MAP2K5: variants seen among roughly 807,000 people sequenced by gnomAD.
The protein encoded by MAP2K5 is dual specificity mitogen-activated protein kinase kinase 5.
A neutral mutation model predicts 83.1 loss-of-function variants in MAP2K5; 49 were observed. The ratio of observed to expected loss-of-function variants is 0.59; its 90% CI spans 0.47 to 0.75. The LOEUF (loss-of-function observed/expected upper bound fraction) is 0.75. MAP2K5 is among the 30% of genes least tolerant of loss of function. The probability of loss-of-function intolerance (pLI) is 0.00; values close to 1 mark genes in which losing one functional copy is unlikely to be tolerated. For synonymous variants in MAP2K5, 202 were observed against 191.8 expected (o/e 1.05, Z -0.44); for missense variants, 457 against 557.5 (o/e 0.82, Z 1.82).
At chr15:67,799,722 G>C (rs964599297) in intron 21 of MAP2K5, among the ~76,000 whole-genome samples, 11 of 152,250 alleles carry the variant, frequency 7.2e-5, no homozygotes, top group African/African-American at 2.4e-4. Flanking sequence ...GATCTGCCCA[G>C]TGGGCCCACC....
intron 11 of MAP2K5, among the ~76,000 whole-genome samples, chr15:67,653,877 T>G (rs1676879980): frequency 6.6e-6 from 1 of 152,156 alleles, no homozygotes; most frequent in South Asian, 2.1e-4. Flanking sequence ...TGTGTTTTTA[T>G]TTTCATTAAT....
chr15:67,695,698 T>C (rs2088235105), intron 15 of MAP2K5, among the ~76,000 whole-genome samples: 1 of 152,242 alleles, frequency 6.6e-6, no homozygotes. Context: ...AATTGCATTA[T>C]ATTTGAATGT....
chr15:67,768,323 T>C lies in MAP2K5; in HGVS notation c.1135-1279T>C, dbSNP rs1255353871. Among the ~76,000 whole-genome samples, 1 of 152,226 alleles carries C rather than the reference T, an allele frequency of 6.6e-6. No homozygotes were observed. Among genetic ancestry groups the C allele is most frequent in the Non-Finnish European group, 1.5e-5 (1 of 68,042 alleles). Reference sequence around the variant, plus strand: ...CCACCATTGATAATGACACGCATATTGCAGAGGTGCTTTTATCATCTTCTT... The same window carrying C: ...CCACCATTGATAATGACACGCATATCGCAGAGGTGCTTTTATCATCTTCTT... On this transcript the variant is annotated intron_variant, in intron 19 of 21. Coordinates refer to ENST00000178640, the MANE Select transcript of MAP2K5 (RefSeq NM_145160.3). The surrounding 1 kb of genome is among the most constrained non-coding windows in gnomAD (Gnocchi z 4.0).
At chr15:67,647,455 T>G (rs1358816401) in intron 11 of MAP2K5, among the ~76,000 whole-genome samples, 1 of 152,210 alleles carries the variant, frequency 6.6e-6, no homozygotes, top group Non-Finnish European at 1.5e-5. Context: ...TACTCAAACA[T>G]TTTTGTTGAA....
rs1006685836 is a variant in MAP2K5, at chr15:67,668,377, A to T, written c.847+3732A>T. Among the ~76,000 whole-genome samples the T allele has an allele frequency of 1.5e-4, 23 of 152,194 alleles. No individual in the cohort carries two copies. The highest frequency in any genetic ancestry group is 5.3e-4 in the African/African-American group (22 of 41,452). On this transcript the variant is annotated intron_variant, in intron 13 of 21. Transcript: ENST00000178640. The surrounding 1 kb of genome is among the most constrained non-coding windows in gnomAD (Gnocchi z 4.0). ...GACATAATCATTAAAAATGTTTGAAATGCCCACCAAATTAACTACTGTGGA... is the reference window on the plus strand; with the variant it reads ...GACATAATCATTAAAAATGTTTGAATTGCCCACCAAATTAACTACTGTGGA...
In MAP2K5 at chr15:67,665,578, GTTTTC is replaced by G. The variant is rs1219960483; in HGVS notation, c.847+938_847+942del. Among the ~76,000 whole-genome samples, 2 of 152,128 alleles carry G rather than the reference GTTTTC, an allele frequency of 1.3e-5. No individual in the cohort carries two copies. The highest frequency in any genetic ancestry group is 6.5e-5 in the Admixed American group (1 of 15,272). ...GATGTCATATCTGTCACTAAGGGTT[GTTTTC>G]TTTTGTGGTGGTTTTAATATCCTAG... On this transcript the variant is annotated intron_variant, in intron 13 of 21. Coordinates refer to ENST00000178640, the MANE Select transcript of MAP2K5 (RefSeq NM_145160.3). This position sits in a 1 kb window ranked among gnomAD's most constrained non-coding sequence, Gnocchi z 4.2.
At chr15:67,574,884 A>G (rs750565385) in intron 3 of MAP2K5, among the ~76,000 whole-genome samples, 10 of 152,210 alleles carry the variant, frequency 6.6e-5, no homozygotes, top group Non-Finnish European at 1.2e-4. Context: ...AATAATAAAA[A>G]TAAAACAAAA....
At chr15:67,628,058 A>G in intron 8 of MAP2K5, 1 of 733,376 alleles carries the variant, frequency 1.4e-6, no homozygotes, top group Non-Finnish European at 2.4e-6. Flanking sequence ...CAGTGGATGC[A>G]GCCATGAATG....
In MAP2K5 at chr15:67,802,199, G is replaced by A. The variant is rs1224595905; in HGVS notation, c.1243-4447G>A. 2.0e-5 allele frequency among the ~76,000 whole-genome samples: 3 copies of A among 152,256 alleles called. No individual in the cohort carries two copies. Among genetic ancestry groups the A allele is most frequent in the Admixed American group, 2.0e-4 (3 of 15,290 alleles). ...AGGAATTAGGGACGTTAGTACAGAGGCAAAGAGTCAAACTAGTGACACACT... is the reference window on the plus strand; with the variant it reads ...AGGAATTAGGGACGTTAGTACAGAGACAAAGAGTCAAACTAGTGACACACT... On this transcript the variant is annotated intron_variant, in intron 21 of 21. Transcript: ENST00000178640. The surrounding 1 kb of genome is among the most constrained non-coding windows in gnomAD (Gnocchi z 5.0).
Position 67,668,821 on chromosome 15 carries a change from GA to G in MAP2K5, c.847+4186del, listed in dbSNP as rs150766327. 0.036 allele frequency among the ~76,000 whole-genome samples: 5,321 copies of G among 148,146 alleles called. 179 individuals are homozygous for G. Among genetic ancestry groups the G allele is most frequent in the African/African-American group, 0.086 (3,474 of 40,592 alleles). On this transcript the variant is annotated intron_variant, in intron 13 of 21. Transcript: ENST00000178640. The surrounding 1 kb of genome is among the most constrained non-coding windows in gnomAD (Gnocchi z 4.0). Reference sequence around the variant, plus strand: ...TACACAGATGCAGAAGTTTATAGAAGAAAAAAAAAACCTATATAGTTGGTGT... The same window carrying G: ...TACACAGATGCAGAAGTTTATAGAAGAAAAAAAAACCTATATAGTTGGTGT...
At chr15:67,547,283 A>G (rs894622189) in intron 1 of MAP2K5, among the ~76,000 whole-genome samples, 1 of 152,086 alleles carries the variant, frequency 6.6e-6, no homozygotes, top group Non-Finnish European at 1.5e-5. Flanking sequence ...GTCAAGGATC[A>G]AGTTTTATTG....
At position 67,592,925 on chromosome 15, in the gene MAP2K5, G is replaced by C; in HGVS notation, c.432-1G>C. 1 of 1,606,480 alleles carries C rather than the reference G, an allele frequency of 6.2e-7. No individual in the cohort carries two copies. The highest frequency in any genetic ancestry group is 8.5e-7 in the Non-Finnish European group (1 of 1,174,724). On this transcript the variant is annotated splice_acceptor_variant, in intron 6 of 21. Coordinates refer to ENST00000178640, the MANE Select transcript of MAP2K5 (RefSeq NM_145160.3). LOFTEE classifies it high-confidence loss of function. Reference sequence around the variant, plus strand: ...CACTAAAAATTATCTTTCCTTTTCAGCTTAAAGAAGTCTTCTGCTGAACTG... The same window carrying C: ...CACTAAAAATTATCTTTCCTTTTCACCTTAAAGAAGTCTTCTGCTGAACTG...
chr15:67,789,715 CAA>C (rs980717639), intron 21 of MAP2K5, among the ~76,000 whole-genome samples: 4 of 129,604 alleles, frequency 3.1e-5, no homozygotes, highest in South Asian at 2.4e-4. Context: ...AACTCTGTTT[CAA>C]AAAAAAAAAA....
chr15:67,720,136 T>C lies in MAP2K5; in HGVS notation c.1045-7780T>C, dbSNP rs1268504930. Among the ~76,000 whole-genome samples, 1 of 152,200 alleles carries C rather than the reference T, an allele frequency of 6.6e-6. No homozygotes were observed. The highest frequency in any genetic ancestry group is 1.9e-4 in the East Asian group (1 of 5,200). On this transcript the variant is annotated intron_variant, in intron 16 of 21. Coordinates refer to ENST00000178640, the MANE Select transcript of MAP2K5 (RefSeq NM_145160.3). The surrounding 1 kb of genome is among the most constrained non-coding windows in gnomAD (Gnocchi z 5.7). ...CTGCCTTATACTTACTATGGCCTAG[T>C]TAAAATTGTATATTCCATTTAAACA...
intron 17 of MAP2K5, among the ~76,000 whole-genome samples, chr15:67,739,130 A>C (rs1178153981): frequency 2.0e-5 from 3 of 151,646 alleles, no homozygotes; most frequent in African/African-American, 7.3e-5. Context: ...AAATTTAAAA[A>C]CCAGCTAGGT....
Position 67,555,662 on chromosome 15 carries a change from A to C in MAP2K5, c.184+5580A>C, listed in dbSNP as rs1452697205. 6.6e-6 allele frequency among the ~76,000 whole-genome samples: 1 copy of C among 152,212 alleles called. No individual in the cohort carries two copies. The highest frequency in any genetic ancestry group is 1.5e-5 in the Non-Finnish European group (1 of 68,036). ...ACCCCATCAACTCTGGATATTAGCA[A>C]ACCTTTTAGTCAATGTCAGTTTGAT... On this transcript the variant is annotated intron_variant, in intron 2 of 21. Coordinates refer to ENST00000178640, the MANE Select transcript of MAP2K5 (RefSeq NM_145160.3). The surrounding 1 kb of genome is among the most constrained non-coding windows in gnomAD (Gnocchi z 5.2).
Position 67,690,926 on chromosome 15 carries a change from G to A in MAP2K5, c.848-1553G>A, listed in dbSNP as rs1271753470. ...AGGGATACATTTAAAGATGTTTTAA[G>A]TATGCTCCTACCCTGTGAACTTATT... On this transcript the variant is annotated intron_variant, in intron 13 of 21. Coordinates refer to ENST00000178640, the MANE Select transcript of MAP2K5 (RefSeq NM_145160.3). The surrounding 1 kb of genome is among the most constrained non-coding windows in gnomAD (Gnocchi z 4.3). Among the ~76,000 whole-genome samples the A allele has an allele frequency of 6.6e-6, 1 of 152,168 alleles. No homozygotes were observed. Among genetic ancestry groups the A allele is most frequent in the Non-Finnish European group, 1.5e-5 (1 of 68,030 alleles).
intron 11 of MAP2K5, among the ~76,000 whole-genome samples, chr15:67,654,580 A>G (rs2087024532): frequency 6.6e-6 from 1 of 152,106 alleles, no homozygotes; most frequent in South Asian, 2.1e-4. Context: ...TCTATAAGTC[A>G]TGTCTTTCAT....
At chr15:67,803,587 C>G (rs1470127662) in intron 21 of MAP2K5, among the ~76,000 whole-genome samples, 1 of 152,114 alleles carries the variant, frequency 6.6e-6, no homozygotes, top group Non-Finnish European at 1.5e-5. Context: ...CTCCTAACCC[C>G]TGTCTTCCCT....
Sources: gnomAD v4.1 joint callset for allele counts (sites outside exome capture counted in the v4.1 genomes callset) on GRCh38, gnomAD v4.1.1 for gene constraint, Gnocchi (gnomAD v3.1) non-coding constraint, MANE v1.5 for transcripts, NCBI Gene and HGNC (gene_info 2026-07-23, HGNC 2026-07-21) for gene names.